SDK1: variants seen among roughly 807,000 people sequenced by gnomAD.
SDK1 encodes the protein sidekick cell adhesion molecule 1, also known as protein sidekick-1.
In SDK1, 157 loss-of-function variants were observed where a neutral mutation model predicts 245.5. That is an observed-to-expected ratio of 0.64 (90% CI 0.56 to 0.73). The LOEUF (loss-of-function observed/expected upper bound fraction) is 0.73, where lower values mean the gene tolerates loss of function less well. Ranked by LOEUF, SDK1 falls within the 30% of genes least tolerant of loss-of-function variation. The pLI, the probability that SDK1 is intolerant of heterozygous loss-of-function variation, is 0.00. For missense variants in SDK1, 3,583 were observed against 3,002.3 expected (o/e 1.19, Z -4.52); for synonymous variants, 1,647 against 1,278.5 (o/e 1.29, Z -6.15).
intron 4 of SDK1, among the ~76,000 whole-genome samples, chr7:3,776,928 G>A (rs1470628062): frequency 6.6e-6 from 1 of 151,986 alleles, no homozygotes; most frequent in Non-Finnish European, 1.5e-5. Flanking sequence ...CATAGAGCAC[G>A]GTGTATACCC....
intron 32 of SDK1, among the ~76,000 whole-genome samples, chr7:4,164,891 T>A (rs563316738): frequency 6.6e-6 from 1 of 152,198 alleles, no homozygotes; most frequent in Non-Finnish European, 1.5e-5. Flanking sequence ...TACAACGTCC[T>A]GTAGAAATAA....
At chr7:3,701,511 G>T (rs752587440) in intron 4 of SDK1, among the ~76,000 whole-genome samples, 4 of 152,162 alleles carry the variant, frequency 2.6e-5, no homozygotes, top group Non-Finnish European at 4.4e-5. Flanking sequence ...GGGGCAGGTG[G>T]ATTGCTTGAT....
chr7:3,780,839 C>T (rs1327112754), intron 4 of SDK1, among the ~76,000 whole-genome samples: 2 of 152,056 alleles, frequency 1.3e-5, no homozygotes, highest in Non-Finnish European at 2.9e-5. Flanking sequence ...AAAGCCTGCC[C>T]AATGACCCCA....
intron 5 of SDK1, among the ~76,000 whole-genome samples, chr7:3,900,337 G>T (rs1180159043): frequency 6.6e-6 from 1 of 152,176 alleles, no homozygotes; most frequent in Non-Finnish European, 1.5e-5. Context: ...GCCTGAACAG[G>T]CTTCAATTTC....
chr7:3,458,543 ACT>A (rs1780737073), intron 1 of SDK1, among the ~76,000 whole-genome samples: 1 of 144,220 alleles, frequency 6.9e-6, no homozygotes. Flanking sequence ...TTTTTTTTGT[ACT>A]TTTTTGTACC....
chr7:3,631,002 G>T (rs550078799), intron 2 of SDK1, among the ~76,000 whole-genome samples: 1 of 152,170 alleles, frequency 6.6e-6, no homozygotes, highest in South Asian at 2.1e-4. Flanking sequence ...GTGGTGCAAT[G>T]GTTCACTCCA....
intron 1 of SDK1, among the ~76,000 whole-genome samples, chr7:3,452,434 C>T (rs1780543061): frequency 6.6e-6 from 1 of 152,108 alleles, no homozygotes; most frequent in East Asian, 1.9e-4. Context: ...TGTAGAGAGC[C>T]TCTTACTATA....
chr7:4,066,682 G>T (rs1779923314), intron 19 of SDK1, among the ~76,000 whole-genome samples: 1 of 152,188 alleles, frequency 6.6e-6, no homozygotes, highest in African/African-American at 2.4e-5. Flanking sequence ...GGGACCGATG[G>T]GACCTGCTAT....
intron 1 of SDK1, among the ~76,000 whole-genome samples, chr7:3,317,702 G>C (rs79568876): frequency 0.039 from 5,951 of 152,202 alleles, 352 homozygotes; most frequent in African/African-American, 0.13. Flanking sequence ...AAGCACCTTT[G>C]GTTCATGTTT....
intron 4 of SDK1, among the ~76,000 whole-genome samples, chr7:3,695,425 T>C (rs1182903605): frequency 6.6e-6 from 1 of 152,240 alleles, no homozygotes; most frequent in African/African-American, 2.4e-5. Context: ...CATAAGCATT[T>C]TCTCATGTCT....
chr7:3,381,980 G>C (rs114565404), intron 1 of SDK1, among the ~76,000 whole-genome samples: 7 of 152,182 alleles, frequency 4.6e-5, no homozygotes, highest in African/African-American at 1.4e-4. Flanking sequence ...AAACTTAACC[G>C]TTCGTCTTAA....
Position 4,266,708 on chromosome 7 carries a change from G to A in SDK1, c.*1324G>A, listed in dbSNP as rs538227367. On this transcript the variant is annotated 3_prime_UTR_variant, in exon 45 of 45. Transcript: ENST00000404826. Reference sequence around the variant, plus strand: ...CCCTCACGTCATCTTTGCAACAGACGACTGGGCTGCCATGGTCCACCCCTC... The same window carrying A: ...CCCTCACGTCATCTTTGCAACAGACAACTGGGCTGCCATGGTCCACCCCTC... The A allele has an allele frequency of 1.0e-4, 103 of 985,424 alleles. No individual in the cohort carries two copies. Among genetic ancestry groups the A allele is most frequent in the Middle Eastern group, 5.2e-4 (1 of 1,914 alleles). 61.0% of individuals were successfully genotyped at this position (985,424 alleles called of 1,614,324 possible).
At chr7:3,962,600 T>TCA in intron 8 of SDK1, 57 bp from the exon 9 acceptor site, 1 of 1,399,996 alleles carries the variant, frequency 7.1e-7, no homozygotes, top group Non-Finnish European at 9.7e-7. Context: ...CAGATGTGCT[T>TCA]CAGTTCTCAC....
intron 22 of SDK1, among the ~76,000 whole-genome samples, chr7:4,083,028 G>T (rs1411692237): frequency 1.3e-5 from 2 of 151,924 alleles, no homozygotes; most frequent in Non-Finnish European, 2.9e-5. Flanking sequence ...TTCACGCAGG[G>T]TTCACACTAT....
chr7:4,022,738 C>T (rs1051434337), intron 17 of SDK1, among the ~76,000 whole-genome samples: 1 of 151,892 alleles, frequency 6.6e-6, no homozygotes, highest in Non-Finnish European at 1.5e-5. Flanking sequence ...CCACCACTCA[C>T]TGGCCACACT....
At chr7:4,061,211 G>A (rs1246846579) in intron 19 of SDK1, among the ~76,000 whole-genome samples, 1 of 151,938 alleles carries the variant, frequency 6.6e-6, no homozygotes, top group African/African-American at 2.4e-5. Flanking sequence ...GGATGGCATT[G>A]AATCTATAAA....
chr7:4,082,109 G>A lies in SDK1; in HGVS notation c.3324+2525G>A, dbSNP rs1002335851. On this transcript the variant is annotated intron_variant, in intron 22 of 44. Transcript: ENST00000404826. ...CCTGGGACCCTTGTGGTTACTTACC[G>A]TGGGGGTGACAGTGACTGGGAGGGG... Among the ~76,000 whole-genome samples the A allele has an allele frequency of 7.2e-5, 11 of 152,146 alleles. No homozygotes were observed. The South Asian group carries it at 8.3e-4, about 11-fold the overall frequency.
chr7:4,061,757 A>G (rs1044072934), intron 19 of SDK1, among the ~76,000 whole-genome samples: 6 of 152,084 alleles, frequency 3.9e-5, no homozygotes, highest in Non-Finnish European at 8.8e-5. Flanking sequence ...GATAGACTGG[A>G]TTAAGAAAAT....
At chr7:4,233,494 G>A in intron 41 of SDK1, 75 bp downstream of exon 41, 1 of 1,445,552 alleles carries the variant, frequency 6.9e-7, no homozygotes. Flanking sequence ...GACCCAGGGA[G>A]GTCTGTCTTC....
Sources: allele counts gnomAD v4.1 joint callset (sites outside exome capture counted in the v4.1 genomes callset), GRCh38; gene constraint gnomAD v4.1.1; transcripts MANE v1.5; gene names NCBI Gene and HGNC (gene_info 2026-07-23, HGNC 2026-07-21).